Variants in ZNF76 observed in about 807,000 individuals in gnomAD.
ZNF76 encodes zinc finger protein 523.
A neutral mutation model predicts 66.9 loss-of-function variants in ZNF76; 66 were observed. The ratio of observed to expected loss-of-function variants is 0.99; its 90% CI spans 0.81 to 1.21. ZNF76 has a LOEUF of 1.21. Among genes scored for constraint, ZNF76 ranks in the 50% most tolerant of loss-of-function variants. The pLI is 0.00. For synonymous variants in ZNF76, 275 were observed against 296.1 expected, an observed-to-expected ratio of 0.93 and a Z score of 0.73; for missense variants, 729 against 760.3, an observed-to-expected ratio of 0.96 and a Z score of 0.48.
chr6:35,290,965 A>G, intron 7 of ZNF76: 1 of 596,538 alleles, frequency 1.7e-6, no homozygotes, highest in East Asian at 2.8e-5. Context: ...TCTGATGCCA[A>G]CCAGCTGTGG....
At chr6:35,286,021 G>T (rs1005362379) in intron 2 of ZNF76, 107 bp from the exon 3 acceptor site, 4 of 998,402 alleles carry the variant, frequency 4.0e-6, no homozygotes, top group Non-Finnish European at 6.3e-6. Context: ...GCTTAGACCT[G>T]CAGGCTCGTG....
At chr6:35,291,793 T>C in intron 9 of ZNF76, 56 bp downstream of exon 9, 1 of 1,582,384 alleles carries the variant, frequency 6.3e-7, no homozygotes, top group African/African-American at 1.3e-5. Context: ...CCCTCTACTG[T>C]AGGCTTCCCA....
At chr6:35,262,275 C>A (rs1785367427) in intron 1 of ZNF76, among the ~76,000 whole-genome samples, 1 of 152,008 alleles carries the variant, frequency 6.6e-6, no homozygotes, top group African/African-American at 2.4e-5. Context: ...GGTATTATGA[C>A]CTGCTTCAGG....
At chr6:35,274,979 C>T (rs756988658) in intron 1 of ZNF76, among the ~76,000 whole-genome samples, 2 of 151,842 alleles carry the variant, frequency 1.3e-5, no homozygotes, top group Non-Finnish European at 2.9e-5. Flanking sequence ...ATGGTGAAAC[C>T]CCGTCTCTAC....
chr6:35,273,738 AG>A (rs1787487850), intron 1 of ZNF76, among the ~76,000 whole-genome samples: 1 of 150,350 alleles, frequency 6.7e-6, no homozygotes, highest in Non-Finnish European at 1.5e-5. Context: ...AAAAAAAAAA[AG>A]AAATGGGGGT....
chr6:35,284,779 C>G lies in ZNF76; in HGVS notation c.74-1349C>G, dbSNP rs551106178. ...AGGCTGGACTGCAGTGGCATAATCA[C>G]GGCTTACTGCAACTTCTGCCTCCTG... On this transcript the variant is annotated intron_variant, in intron 2 of 13. Coordinates refer to ENST00000373953, the MANE Select transcript of ZNF76 (RefSeq NM_003427.5). Among the ~76,000 whole-genome samples, 6 of 152,234 alleles carry G rather than the reference C, an allele frequency of 3.9e-5. No homozygotes were observed. In the East Asian group the frequency reaches 9.6e-4, roughly 24 times the overall value.
At chr6:35,278,232 G>C (rs1196863283) in intron 1 of ZNF76, among the ~76,000 whole-genome samples, 1 of 151,790 alleles carries the variant, frequency 6.6e-6, no homozygotes, top group Admixed American at 6.6e-5. Flanking sequence ...GCAATGACAC[G>C]ATCTCGGCTC....
intron 12 of ZNF76, 129 bp from the exon 13 acceptor site, chr6:35,294,327 T>G: frequency 3.0e-6 from 2 of 671,446 alleles, no homozygotes; most frequent in South Asian, 3.7e-5. Context: ...CTAATTAATC[T>G]GACCCATACG....
At position 35,287,135 on chromosome 6, in the gene ZNF76, T is replaced by C. The variant is rs758603775; in HGVS notation, c.233-511T>C. ...CAGGAACTGCTAGGAGCTAGAGCCC[T>C]GGGAGTGAAGGCAGAATGAGCAGGA... On this transcript the variant is annotated intron_variant, in intron 4 of 13. Coordinates refer to ENST00000373953, the MANE Select transcript of ZNF76 (RefSeq NM_003427.5). This position sits in a 1 kb window ranked among gnomAD's most constrained non-coding sequence, Gnocchi z 4.0. Among the ~76,000 whole-genome samples the C allele has an allele frequency of 6.6e-6, 1 of 152,050 alleles. No homozygotes were observed. The highest frequency in any genetic ancestry group is 2.4e-5 in the African/African-American group (1 of 41,390).
intron 1 of ZNF76, among the ~76,000 whole-genome samples, chr6:35,266,556 G>A (rs990541080): frequency 1.3e-5 from 2 of 152,288 alleles, no homozygotes; most frequent in East Asian, 1.9e-4. Context: ...AAGTCGAGAT[G>A]TTGAGTAAGC....
rs1791098113 is a variant in ZNF76 at position 35,295,815 on chromosome 6, C to T, written c.*567C>T. 1 of 179,014 alleles carries T rather than the reference C, an allele frequency of 5.6e-6. No individual in the cohort carries two copies. Among genetic ancestry groups the T allele is most frequent in the Admixed American group, 5.4e-5 (1 of 18,656 alleles). The allele number at this position is 179,014 out of a possible 1,614,324, so 11.1% of individuals were successfully genotyped here. ...CCAGCCCCCACCACTCCTCAGCTGC[C>T]CCCCAACCTCTCTATGGCAGAGAGG... On this transcript the variant is annotated 3_prime_UTR_variant, in exon 14 of 14. Transcript: ENST00000373953.
Position 35,294,440 on chromosome 6 carries a change from T to A in ZNF76, c.1495-16T>A, listed in dbSNP as rs371927798. 25 of 1,569,656 alleles carry A rather than the reference T, an allele frequency of 1.6e-5. No homozygotes were observed. Among genetic ancestry groups the A allele is most frequent in the East Asian group, 2.2e-5 (1 of 44,644 alleles). On this transcript the variant is annotated splice_polypyrimidine_tract_variant and intron_variant, in intron 12 of 13. Transcript: ENST00000373953. ...TATACTGCAGGTGGAATGGAAGACC[T>A]CCTTTTGTCTTTCAGGTCACAATCA... is the stretch of plus-strand genomic sequence containing the variant.
At chr6:35,276,582 A>C (rs1337475569) in intron 1 of ZNF76, among the ~76,000 whole-genome samples, 1 of 152,182 alleles carries the variant, frequency 6.6e-6, no homozygotes, top group Non-Finnish European at 1.5e-5. Flanking sequence ...ATTAAAACCC[A>C]GACCTGACTT....
chr6:35,273,370 G>C (rs988708201), intron 1 of ZNF76, among the ~76,000 whole-genome samples: 4 of 150,132 alleles, frequency 2.7e-5, no homozygotes, highest in African/African-American at 9.8e-5. Flanking sequence ...ATGGGGTTTC[G>C]CCATGTTGGC....
At chr6:35,273,922 T>A (rs539006765) in intron 1 of ZNF76, among the ~76,000 whole-genome samples, 2 of 152,332 alleles carry the variant, frequency 1.3e-5, no homozygotes, top group Non-Finnish European at 2.9e-5. Context: ...TTTTAGCTGT[T>A]TAAAACTTAT....
chr6:35,286,331 C>G lies in ZNF76; in HGVS notation c.164C>G (p.Ser55Cys). ...HQVTVQKEAL[S>C]FEDGQPVQLE... Reference sequence around the variant, plus strand: ...ATTGCTCTCGTTACAGAAGCTCTCTCCTTTGAGGATGGTCAGCCTGTGCAG... The same window carrying G: ...ATTGCTCTCGTTACAGAAGCTCTCTGCTTTGAGGATGGTCAGCCTGTGCAG... Residue 55 changes from serine to cysteine, a missense_variant, in exon 4 of 14, where the codon TCC (serine) becomes TGC (cysteine). Transcript: ENST00000373953. 2 of 1,614,198 alleles carry G rather than the reference C, an allele frequency of 1.2e-6. No individual in the cohort carries two copies. The highest frequency in any genetic ancestry group is 4.5e-5 in the East Asian group (2 of 44,884).
intron 1 of ZNF76, among the ~76,000 whole-genome samples, chr6:35,278,779 T>C (rs558005515): frequency 1.3e-5 from 2 of 152,352 alleles, no homozygotes; most frequent in Admixed American, 1.3e-4. Context: ...CCACAGTGGG[T>C]ACAGAAGATA....
At chr6:35,260,014 T>A (rs1382165721) in intron 1 of ZNF76, among the ~76,000 whole-genome samples, 173 bp downstream of exon 1, 1 of 33,094 alleles carries the variant, frequency 3.0e-5, no homozygotes, top group East Asian at 6.3e-4. Context: ...TCCCTGCCCC[T>A]CTTTTCCGCC....
At chr6:35,284,749 C>T (rs1789294397) in intron 2 of ZNF76, among the ~76,000 whole-genome samples, 1 of 151,666 alleles carries the variant, frequency 6.6e-6, no homozygotes, top group Non-Finnish European at 1.5e-5. Flanking sequence ...CTTACTCTGT[C>T]ACCCAGGCTG....
Sources: gnomAD v4.1 joint callset for allele counts (sites outside exome capture counted in the v4.1 genomes callset) on GRCh38, gnomAD v4.1.1 for gene constraint, Gnocchi (gnomAD v3.1) non-coding constraint, MANE v1.5 for transcripts, NCBI Gene and HGNC (gene_info 2026-07-23, HGNC 2026-07-21) for gene names.